The following SERPINB4 variants were observed in gnomAD, a reference collection of about 807,000 sequenced individuals.
SERPINB4 encodes serpin family B member 4.
A neutral mutation model predicts 33.2 loss-of-function variants in SERPINB4; 39 were observed. That is an observed-to-expected ratio of 1.18 (90% CI 0.91 to 1.53). SERPINB4 has a LOEUF of 1.53. Ranked by LOEUF, SERPINB4 falls within the 40% of genes most tolerant of loss-of-function variation. The pLI, the probability that SERPINB4 is intolerant of heterozygous loss-of-function variation, is 0.00. For synonymous variants in SERPINB4, 191 were observed against 166.4 expected, an observed-to-expected ratio of 1.15 and a Z score of -1.14; for missense variants, 564 against 455.4, an observed-to-expected ratio of 1.24 and a Z score of -2.17.
intron 6 of SERPINB4, 137 bp from the exon 7 acceptor site, chr18:63,639,477 C>T: frequency 5.7e-6 from 6 of 1,057,382 alleles, no homozygotes; most frequent in South Asian, 3.7e-5. Context: ...AATAGTTTTT[C>T]AGGTATTCCT....
In SERPINB4 at chr18:63,639,748, C is replaced by A. The variant is rs771153123; in HGVS notation, c.498G>T (p.Gly166=). 21 of 1,611,638 alleles carry A rather than the reference C, an allele frequency of 1.3e-5. No homozygotes were observed. The South Asian group carries it at 2.2e-4, about 17-fold the overall frequency. ...NEKIKNLFPD[G]TIGNDTTLVL... Reference sequence around the variant, plus strand: ...CCAGTGTCGTATCATTGCCAATAGTCCCATCAGGAAATAGGTTTTTAATTT... The same window carrying A: ...CCAGTGTCGTATCATTGCCAATAGTACCATCAGGAAATAGGTTTTTAATTT... Residue 166 remains glycine, a synonymous_variant, in exon 6 of 8, where the codon GGG becomes GGT. Transcript: ENST00000341074.
intron 7 of SERPINB4, among the ~76,000 whole-genome samples, chr18:63,638,817 G>T (rs1454931683): frequency 9.4e-6 from 1 of 106,146 alleles, no homozygotes; most frequent in South Asian, 3.9e-4. Context: ...GTTGTGGGGT[G>T]GGGGGAGGGG....
chr18:63,639,300 G>T lies in SERPINB4; in HGVS notation c.653C>A (p.Ser218Tyr). 6.2e-7 allele frequency: 1 copy of T among 1,612,306 alleles called. No homozygotes were observed. The highest frequency in any genetic ancestry group is 1.7e-5 in the Admixed American group (1 of 59,852). Reference protein sequence around the residue: ...KSVQMMRQYNSFNFALLEDVQ... With the variant: ...KSVQMMRQYNYFNFALLEDVQ... ...ATCCTCCAGCAAGGCAAAATTAAAGGAATTGTATTGCCTCATCATCTGTAC... is the reference window on the plus strand; with the variant it reads ...ATCCTCCAGCAAGGCAAAATTAAAGTAATTGTATTGCCTCATCATCTGTAC... The change falls in exon 7 of 8, where the codon TCC (serine) becomes TAC (tyrosine). Residue 218 changes from serine (S) to tyrosine (Y), a missense_variant. Transcript: ENST00000341074.
chr18:63,641,483 A>G (rs931063605), intron 4 of SERPINB4, among the ~76,000 whole-genome samples: 1 of 152,084 alleles, frequency 6.6e-6, no homozygotes, highest in African/African-American at 2.4e-5. Context: ...GTGCCAGTTT[A>G]TCGATGGTAT....
rs1912967706 is a variant in SERPINB4, at chr18:63,637,629, G to A, written c.*90C>T. On this transcript the variant is annotated 3_prime_UTR_variant, in exon 8 of 8. Transcript: ENST00000341074. ...TCAAGATGAGATAGAAAAGAAATAT[G>A]AGCCAAGAGAATCTGTTGTTGCCAG... is the stretch of plus-strand genomic sequence containing the variant. 3.8e-6 allele frequency: 5 copies of A among 1,321,232 alleles called. No individual in the cohort carries two copies. The South Asian group carries it at 4.6e-5, about 12-fold the overall frequency. 81.8% of individuals were successfully genotyped at this position (1,321,232 alleles called of 1,614,324 possible). A position where few individuals can be genotyped will look rare whatever the true frequency, so the allele number is the denominator to read the frequency against.
chr18:63,639,836 T>C (rs1280833379), intron 5 of SERPINB4, 60 bp from the exon 6 acceptor site: 16 of 1,478,830 alleles, frequency 1.1e-5, no homozygotes, highest in Admixed American at 3.8e-5. Context: ...GTCTGGAAGA[T>C]GCTTTGCAAA....
chr18:63,641,986 C>G (rs1913150340), intron 3 of SERPINB4, 98 bp from the exon 4 acceptor site: 3 of 1,534,088 alleles, frequency 2.0e-6, no homozygotes, highest in Non-Finnish European at 2.7e-6. Context: ...TGCTGGTAGT[C>G]TCATTGAGGA....
Position 63,637,957 on chromosome 18 carries a change from G to A in SERPINB4, c.935C>T (p.Ala312Val), listed in dbSNP as rs2144461772. The stretch of plus-strand genomic sequence containing the variant: ...GCTCCAGGTCATGCCTGAGAGGTCT[G>A]CATCCCCATTGAAGATATTCACCAT... ...MGMVNIFNGD[A>V]DLSGMTWSHG... Residue 312 changes from alanine (A) to valine (V), a missense_variant, in exon 8 of 8, where the codon GCA (alanine) becomes GTA (valine). By Grantham distance (64) the Ala-to-Val change is moderately conservative. Transcript: ENST00000341074. The A allele has an allele frequency of 6.2e-7, 1 of 1,613,628 alleles. No homozygotes were observed. Among genetic ancestry groups the A allele is most frequent in the Non-Finnish European group, 8.5e-7 (1 of 1,179,766 alleles).
chr18:63,640,510 C>A lies in SERPINB4; in HGVS notation c.469+364G>T. Among the ~76,000 whole-genome samples the A allele has an allele frequency of 1.3e-5, 2 of 152,014 alleles. 1 individual carries two copies. The highest frequency in any genetic ancestry group is 2.9e-5 in the Non-Finnish European group (2 of 67,986). ...CCCAATTAGTAAAGGAGACGAGAGA[C>A]GCTTTCTAATGTTTTCTATTAAATA... On this transcript the variant is annotated intron_variant, in intron 5 of 7. Coordinates refer to ENST00000341074, the MANE Select transcript of SERPINB4 (RefSeq NM_002974.4).
chr18:63,642,149 A>G (rs1172408914), intron 3 of SERPINB4, among the ~76,000 whole-genome samples: 11 of 152,234 alleles, frequency 7.2e-5, no homozygotes, highest in Admixed American at 3.9e-4. Context: ...GTCTACCAGT[A>G]GATTTTCTCC....
At chr18:63,639,080 A>G in intron 7 of SERPINB4, 105 bp downstream of exon 7, 4 of 1,327,594 alleles carry the variant, frequency 3.0e-6, no homozygotes, top group Non-Finnish European at 4.0e-6. Flanking sequence ...AGAATTTTTC[A>G]TCATTTTGAG....
intron 4 of SERPINB4, 59 bp from the exon 5 acceptor site, chr18:63,641,050 CAA>C: frequency 7.2e-7 from 1 of 1,381,834 alleles, no homozygotes; most frequent in Admixed American, 1.7e-5. Context: ...TATATATTAC[CAA>C]ACTTACTTAT....
At chr18:63,642,139 G>A (rs1187479196) in intron 3 of SERPINB4, among the ~76,000 whole-genome samples, 2 of 152,084 alleles carry the variant, frequency 1.3e-5, no homozygotes, top group African/African-American at 2.4e-5. Context: ...ATGCAGCGCT[G>A]TCTACCAGTA....
rs754186109 is a variant in SERPINB4, at chr18:63,641,004, A to G, written c.352-13T>C. On this transcript the variant is annotated splice_polypyrimidine_tract_variant and intron_variant, in intron 4 of 7. Coordinates refer to ENST00000341074, the MANE Select transcript of SERPINB4 (RefSeq NM_002974.4). ...CATCTAAATATTCCTTTGAGATATG[A>G]AGGAAGAAGTAGGAATTAGGAGTAA... is the stretch of plus-strand genomic sequence containing the variant. The G allele has an allele frequency of 1.9e-6, 3 of 1,600,082 alleles. No homozygotes were observed. The highest frequency in any genetic ancestry group is 1.3e-5 in the African/African-American group (1 of 74,522).
chr18:63,638,061 C>T lies in SERPINB4; in HGVS notation c.831G>A (p.Glu277=). Residue 277 remains glutamate (E), a synonymous_variant, in exon 8 of 8, where the codon GAG becomes GAA. Transcript: ENST00000341074. ...GAGGTAAGTGTAAATCGACACATGTCTCTCTCATATTCTGCAAACTTGTCC... is the reference window on the plus strand; with the variant it reads ...GAGGTAAGTGTAAATCGACACATGTTTCTCTCATATTCTGCAAACTTGTCC... ...MEWTSLQNMR[E]TCVDLHLPRF... is the part of the protein sequence containing the mutation. The T allele has an allele frequency of 6.2e-7, 1 of 1,613,522 alleles. No homozygotes were observed. Among genetic ancestry groups the T allele is most frequent in the South Asian group, 1.1e-5 (1 of 91,072 alleles).
In SERPINB4 at chr18:63,640,951, A is replaced by G; in HGVS notation, c.392T>C (p.Val131Ala). The G allele has an allele frequency of 6.2e-7, 1 of 1,612,922 alleles. No individual in the cohort carries two copies. Among genetic ancestry groups the G allele is most frequent in the Non-Finnish European group, 8.5e-7 (1 of 1,179,278 alleles). Residue 131 changes from valine to alanine, a missense_variant, in exon 5 of 8, where the codon GTG becomes GCG. Val to Ala is a moderately conservative substitution (Grantham distance 64). Coordinates refer to ENST00000341074, the MANE Select transcript of SERPINB4 (RefSeq NM_002974.4). ...DAIKKFYQTS[V>A]ESTDFANAPE... Reference sequence around the variant, plus strand: ...AGCATTTGCAAAATCAGTAGATTCCACACTGGTCTGGTAAAATTTCTTGAT... The same window carrying G: ...AGCATTTGCAAAATCAGTAGATTCCGCACTGGTCTGGTAAAATTTCTTGAT...
chr18:63,642,972 T>C (rs1913185646), intron 3 of SERPINB4, 189 bp downstream of exon 3: 3 of 681,142 alleles, frequency 4.4e-6, no homozygotes, highest in Non-Finnish European at 7.5e-6. Context: ...GTGCTGACTG[T>C]CTTTTAGTAA....
At chr18:63,640,807 G>GT in intron 5 of SERPINB4, 67 bp downstream of exon 5, 1 of 1,348,200 alleles carries the variant, frequency 7.4e-7, no homozygotes, top group South Asian at 1.2e-5. Flanking sequence ...CCCCCATGCA[G>GT]TGTCAAGCAC....
At chr18:63,639,419 A>G (rs1266233703) in intron 6 of SERPINB4, 79 bp from the exon 7 acceptor site, 4 of 1,357,906 alleles carry the variant, frequency 2.9e-6, no homozygotes, top group Non-Finnish European at 3.0e-6. Flanking sequence ...ATAGCAACAC[A>G]TCCTTCTTCT....
Sources: allele counts gnomAD v4.1 joint callset (sites outside exome capture counted in the v4.1 genomes callset), GRCh38; gene constraint gnomAD v4.1.1; transcripts MANE v1.5; gene names NCBI Gene and HGNC (gene_info 2026-07-23, HGNC 2026-07-21).